The following NKAIN1 variants were observed in gnomAD, a reference collection of about 807,000 sequenced individuals.
NKAIN1 encodes the protein sodium/potassium-transporting ATPase subunit beta-1-interacting protein 1.
A neutral mutation model predicts 31.6 loss-of-function variants in NKAIN1; 13 were observed. The ratio of observed to expected loss-of-function variants is 0.41; its 90% confidence interval spans 0.27 to 0.65. The LOEUF (loss-of-function observed/expected upper bound fraction) is 0.65. Among genes scored for constraint, NKAIN1 ranks in the 30% least tolerant of loss-of-function variants. The pLI, the probability that NKAIN1 is intolerant of heterozygous loss-of-function variation, is 0.30. For synonymous variants in NKAIN1, 104 were observed against 109.0 expected, an observed-to-expected ratio of 0.95 and a Z score of 0.28; for missense variants, 193 against 262.2, an observed-to-expected ratio of 0.74 and a Z score of 1.82.
chr1:31,213,918 C>T (rs549524940), intron 1 of NKAIN1, among the ~76,000 whole-genome samples: 69 of 151,586 alleles, frequency 4.6e-4, no homozygotes, highest in South Asian at 3.3e-3. Context: ...TGCTTGAGCC[C>T]GGGAGATTGA....
chr1:31,204,322 G>T (rs754049665), intron 1 of NKAIN1, among the ~76,000 whole-genome samples: 2 of 152,118 alleles, frequency 1.3e-5, no homozygotes, highest in Non-Finnish European at 2.9e-5. Flanking sequence ...ACTGGAAGTG[G>T]GAGACCAGGA....
chr1:31,208,349 C>CG (rs1553162972), intron 1 of NKAIN1, among the ~76,000 whole-genome samples: 7 of 152,052 alleles, frequency 4.6e-5, no homozygotes, highest in African/African-American at 1.7e-4. Context: ...TTCCACCCCC[C>CG]GCTTATGGAA....
At chr1:31,232,418 TATATATAGAGAG>T (rs1290395520) in intron 1 of NKAIN1, among the ~76,000 whole-genome samples, 3 of 33,068 alleles carry the variant, frequency 9.1e-5, no homozygotes, top group African/African-American at 1.9e-4. Context: ...TATATATATA[TATATATAGAGAG>T]AGAGAGAGAG....
chr1:31,202,270 CCATTAGAACAA>C (rs1645386096), intron 1 of NKAIN1, among the ~76,000 whole-genome samples: 1 of 152,216 alleles, frequency 6.6e-6, no homozygotes, highest in Admixed American at 6.5e-5. Flanking sequence ...GCTGGCAACT[CCATTAGAACAA>C]AGTGCCTGGC....
At chr1:31,187,138 C>G (rs577209514) in intron 2 of NKAIN1, among the ~76,000 whole-genome samples, 22 of 152,212 alleles carry the variant, frequency 1.4e-4, no homozygotes, top group African/African-American at 5.3e-4. Flanking sequence ...GGGAACTGAG[C>G]CTGTGGAGGT....
intron 1 of NKAIN1, among the ~76,000 whole-genome samples, chr1:31,211,762 G>A (rs1236451926): frequency 2.6e-5 from 4 of 152,054 alleles, no homozygotes; most frequent in Admixed American, 2.6e-4. Context: ...CTAACATAGT[G>A]AAATTTCGTC....
chr1:31,206,279 G>T (rs1194862037), intron 1 of NKAIN1, among the ~76,000 whole-genome samples: 1 of 59,454 alleles, frequency 1.7e-5, no homozygotes, highest in East Asian at 3.8e-4. Flanking sequence ...AAACTCTCTG[G>T]TTTAAATGAG....
intron 1 of NKAIN1, among the ~76,000 whole-genome samples, chr1:31,221,655 C>A (rs1004260868): frequency 1.2e-4 from 18 of 152,028 alleles, no homozygotes; most frequent in African/African-American, 4.1e-4. Flanking sequence ...AAGATGGTCT[C>A]GATCTCTTGA....
chr1:31,201,705 G>A (rs1341274825), intron 1 of NKAIN1, among the ~76,000 whole-genome samples: 1 of 152,172 alleles, frequency 6.6e-6, no homozygotes, highest in Non-Finnish European at 1.5e-5. Context: ...GCCCAGAGCA[G>A]TGGCAGGCTT....
At chr1:31,196,201 A>G (rs1645325056) in intron 1 of NKAIN1, among the ~76,000 whole-genome samples, 1 of 152,154 alleles carries the variant, frequency 6.6e-6, no homozygotes, top group East Asian at 1.9e-4. Context: ...CAACATGGTG[A>G]AACCCCGCCT....
chr1:31,203,584 G>A (rs998754433), intron 1 of NKAIN1, among the ~76,000 whole-genome samples: 31 of 91,066 alleles, frequency 3.4e-4, no homozygotes, highest in African/African-American at 9.4e-4. Flanking sequence ...ACATCGAGGA[G>A]TAATTTTTTT....
At chr1:31,225,051 C>T (rs1260331566) in intron 1 of NKAIN1, among the ~76,000 whole-genome samples, 2 of 75,384 alleles carry the variant, frequency 2.7e-5, no homozygotes, top group South Asian at 4.8e-4. Context: ...TTTTTTGAGA[C>T]GGACTCTCAC....
intron 1 of NKAIN1, among the ~76,000 whole-genome samples, chr1:31,207,988 G>C (rs1645437130): frequency 6.6e-6 from 1 of 152,036 alleles, no homozygotes; most frequent in African/African-American, 2.4e-5. Flanking sequence ...CACCACCCCA[G>C]GTTTCCCCAC....
chr1:31,232,254 G>A (rs534201281), intron 1 of NKAIN1, among the ~76,000 whole-genome samples: 2 of 148,786 alleles, frequency 1.3e-5, no homozygotes, highest in East Asian at 4.0e-4. Context: ...ACCATGCCTG[G>A]CTAATTTTGT....
intron 1 of NKAIN1, among the ~76,000 whole-genome samples, chr1:31,223,375 C>CA (rs746638007): frequency 0.4 from 42,397 of 106,242 alleles, 7,977 homozygotes; most frequent in East Asian, 0.62. Context: ...GACTCCATCT[C>CA]AAAAAAAAAA....
chr1:31,217,502 G>A (rs1457951874), intron 1 of NKAIN1, among the ~76,000 whole-genome samples: 1 of 152,138 alleles, frequency 6.6e-6, no homozygotes, highest in East Asian at 1.9e-4. Context: ...CTCCTAGACT[G>A]ATGGGCACCC....
At chr1:31,187,464 C>T (rs987988970) in intron 2 of NKAIN1, among the ~76,000 whole-genome samples, 2 of 152,142 alleles carry the variant, frequency 1.3e-5, no homozygotes, top group African/African-American at 4.8e-5. Context: ...TGCTCCAGAA[C>T]ACATCCTTGA....
At chr1:31,197,205 A>G (rs1166139914) in intron 1 of NKAIN1, among the ~76,000 whole-genome samples, 2 of 145,480 alleles carry the variant, frequency 1.4e-5, no homozygotes, top group South Asian at 2.2e-4. Flanking sequence ...TCTGCCTCCC[A>G]GGTTCACGCC....
chr1:31,218,037 T>TTTCG (rs1645528731), intron 1 of NKAIN1, among the ~76,000 whole-genome samples: 1 of 83,716 alleles, frequency 1.2e-5, no homozygotes, highest in African/African-American at 6.5e-5. Context: ...TCTTTCTTTC[T>TTTCG]TTCTTTCTTT....
Sources: gnomAD v4.1 joint callset for allele counts (sites outside exome capture counted in the v4.1 genomes callset) on GRCh38, gnomAD v4.1.1 for gene constraint, MANE v1.5 for transcripts, NCBI Gene and HGNC (gene_info 2026-07-23, HGNC 2026-07-21) for gene names.